Variants in NMNAT2 observed in about 807,000 individuals in gnomAD.
The protein encoded by NMNAT2 is nicotinamide nucleotide adenylyltransferase 2.
Under a neutral mutation model 41.6 loss-of-function variants are expected in NMNAT2, and 11 were observed. The ratio of observed to expected loss-of-function variants is 0.26; its 90% CI spans 0.17 to 0.44. The LOEUF (loss-of-function observed/expected upper bound fraction) is 0.44, where lower values mean the gene tolerates loss of function less well. Ranked by LOEUF, NMNAT2 falls within the 20% of genes least tolerant of loss-of-function variation. The pLI is 1.00. For missense variants in NMNAT2, 288 were observed against 407.7 expected, an observed-to-expected ratio of 0.71 and a Z score of 2.53; for synonymous variants, 148 against 151.2, an observed-to-expected ratio of 0.98 and a Z score of 0.16.
intron 1 of NMNAT2, among the ~76,000 whole-genome samples, chr1:183,399,024 A>G (rs1648733318): frequency 6.6e-6 from 1 of 152,188 alleles, no homozygotes; most frequent in Non-Finnish European, 1.5e-5. Flanking sequence ...GAGCAAACAC[A>G]CTCAAAAGCT....
intron 1 of NMNAT2, among the ~76,000 whole-genome samples, chr1:183,390,481 A>G (rs949186749): frequency 7.2e-5 from 11 of 152,188 alleles, no homozygotes; most frequent in African/African-American, 2.7e-4. Flanking sequence ...AGAGTACATC[A>G]TAATTGTCTC....
chr1:183,315,384 A>G (rs1052737587), intron 1 of NMNAT2, among the ~76,000 whole-genome samples: 3 of 150,156 alleles, frequency 2.0e-5, no homozygotes, highest in African/African-American at 4.8e-5. Context: ...TGTATCACGC[A>G]TGTCGGTAAC....
intron 1 of NMNAT2, among the ~76,000 whole-genome samples, chr1:183,378,594 C>A (rs1199530610): frequency 1.3e-5 from 2 of 151,552 alleles, no homozygotes; most frequent in East Asian, 1.9e-4. Flanking sequence ...AAAATGGAAT[C>A]ATGAAAAGTT....
At chr1:183,331,834 C>T (rs1339780203) in intron 1 of NMNAT2, among the ~76,000 whole-genome samples, 1 of 152,188 alleles carries the variant, frequency 6.6e-6, no homozygotes, top group African/African-American at 2.4e-5. Flanking sequence ...GTCACCCAGG[C>T]TGGAGTACAG....
intron 3 of NMNAT2, 142 bp downstream of exon 3, chr1:183,292,648 T>G (rs1391512642): frequency 7.0e-6 from 5 of 715,584 alleles, no homozygotes; most frequent in Admixed American, 6.9e-5. Flanking sequence ...GGTCTACTTA[T>G]TGCCTCCACA....
chr1:183,371,900 C>T lies in NMNAT2; in HGVS notation c.85+46283G>A, dbSNP rs140643018. Among the ~76,000 whole-genome samples the T allele has an allele frequency of 8.6e-3, 1,317 of 152,270 alleles. 13 individuals are homozygous for T. Among genetic ancestry groups the T allele is most frequent in the Non-Finnish European group, 0.016 (1,078 of 68,010 alleles). ...GCTCAAGCAATCCTTCTGCCTCAGCCTCCTGAGTAGCTGGGACCACAGGCG... is the reference window on the plus strand; with the variant it reads ...GCTCAAGCAATCCTTCTGCCTCAGCTTCCTGAGTAGCTGGGACCACAGGCG... On this transcript the variant is annotated intron_variant, in intron 1 of 10. Transcript: ENST00000287713.
At chr1:183,302,256 C>A in intron 1 of NMNAT2, among the ~76,000 whole-genome samples, 1 of 152,126 alleles carries the variant, frequency 6.6e-6, no homozygotes, top group East Asian at 1.9e-4. Context: ...CTCCAAGGAG[C>A]CCAGGTTTTT....
chr1:183,339,946 T>C (rs748562665), intron 1 of NMNAT2, among the ~76,000 whole-genome samples: 12 of 151,802 alleles, frequency 7.9e-5, no homozygotes, highest in Admixed American at 2.6e-4. Context: ...ACAATCAAGA[T>C]CCTGAAAACA....
intron 1 of NMNAT2, among the ~76,000 whole-genome samples, chr1:183,403,306 A>G (rs1264980639): frequency 1.3e-5 from 2 of 152,190 alleles, no homozygotes; most frequent in Non-Finnish European, 2.9e-5. Context: ...GTCGTTTCTC[A>G]ATTTCTTTAA....
chr1:183,376,511 C>G (rs1663682868), intron 1 of NMNAT2, among the ~76,000 whole-genome samples: 1 of 152,130 alleles, frequency 6.6e-6, no homozygotes. Flanking sequence ...GTTCACTATT[C>G]CAAGAGTATA....
At chr1:183,404,931 G>A (rs930837504) in intron 1 of NMNAT2, among the ~76,000 whole-genome samples, 1 of 152,090 alleles carries the variant, frequency 6.6e-6, no homozygotes, top group Non-Finnish European at 1.5e-5. Flanking sequence ...CCAACTAAAA[G>A]GATCTCAGGC....
At chr1:183,313,046 G>A (rs1662160056) in intron 1 of NMNAT2, among the ~76,000 whole-genome samples, 1 of 152,098 alleles carries the variant, frequency 6.6e-6, no homozygotes, top group Non-Finnish European at 1.5e-5. Flanking sequence ...GAGCTGTCAT[G>A]GAACACTCAG....
chr1:183,359,120 G>T (rs1571618306), intron 1 of NMNAT2, among the ~76,000 whole-genome samples: 2 of 151,916 alleles, frequency 1.3e-5, no homozygotes, highest in Non-Finnish European at 2.9e-5. Flanking sequence ...AACACATGAG[G>T]CTGATTTCAT....
chr1:183,270,543 A>AGAG (rs1174327156), intron 8 of NMNAT2, among the ~76,000 whole-genome samples: 1 of 151,086 alleles, frequency 6.6e-6, no homozygotes, highest in South Asian at 2.1e-4. Context: ...AAAAAAAAAA[A>AGAG]AGAGAGAGAA....
chr1:183,399,870 T>A (rs924660341), intron 1 of NMNAT2, among the ~76,000 whole-genome samples: 2 of 152,212 alleles, frequency 1.3e-5, no homozygotes, highest in African/African-American at 4.8e-5. Context: ...CAGCCCTTCA[T>A]GCTAAAAACT....
At chr1:183,392,351 C>T (rs971426652) in intron 1 of NMNAT2, among the ~76,000 whole-genome samples, 3 of 152,194 alleles carry the variant, frequency 2.0e-5, no homozygotes, top group Non-Finnish European at 4.4e-5. Context: ...ATCTGATACC[C>T]TATCACTTTT....
chr1:183,378,258 G>A (rs1455912191), intron 1 of NMNAT2, among the ~76,000 whole-genome samples: 1 of 152,110 alleles, frequency 6.6e-6, no homozygotes, highest in Non-Finnish European at 1.5e-5. Context: ...GCTGGATGTG[G>A]TGGTGGGAGC....
At chr1:183,290,257 C>A in intron 3 of NMNAT2, 51 bp from the exon 4 acceptor site, 1 of 1,430,484 alleles carries the variant, frequency 7.0e-7, no homozygotes, top group Admixed American at 2.0e-5. Flanking sequence ...CATATTCTTT[C>A]CTTATTGTTA....
At chr1:183,340,286 G>A (rs1313210121) in intron 1 of NMNAT2, among the ~76,000 whole-genome samples, 1 of 151,030 alleles carries the variant, frequency 6.6e-6, no homozygotes, top group Non-Finnish European at 1.5e-5. Context: ...GTGGCTGATA[G>A]CCATTTGGAT....
Sources: gnomAD v4.1 joint callset for allele counts (sites outside exome capture counted in the v4.1 genomes callset) on GRCh38, gnomAD v4.1.1 for gene constraint, MANE v1.5 for transcripts, NCBI Gene and HGNC (gene_info 2026-07-23, HGNC 2026-07-21) for gene names.